Variants in HMGA2 observed in about 807,000 individuals in gnomAD.
HMGA2 encodes the protein high mobility group protein HMGI-C.
In HMGA2, 8 loss-of-function variants were observed where a neutral mutation model predicts 19.1. The observed-to-expected ratio is 0.42, with a 90% CI of 0.25 to 0.76. The LOEUF is 0.76. Ranked by LOEUF, HMGA2 falls within the 30% of genes least tolerant of loss-of-function variation. The probability of loss-of-function intolerance (pLI) is 0.28; values close to 1 mark genes in which losing one functional copy is unlikely to be tolerated. For synonymous variants in HMGA2, 60 were observed against 48.8 expected (o/e 1.23, Z -0.96); for missense variants, 109 against 136.3 (o/e 0.80, Z 1.00).
At chr12:65,918,024 A>G (rs755871620) in intron 3 of HMGA2, among the ~76,000 whole-genome samples, 1 of 152,184 alleles carries the variant, frequency 6.6e-6, no homozygotes, top group Non-Finnish European at 1.5e-5. Flanking sequence ...TCCATTCTTC[A>G]CTCAGAGTAG....
chr12:65,855,456 T>TGTCA (rs1871687038), intron 3 of HMGA2, among the ~76,000 whole-genome samples: 1 of 52,788 alleles, frequency 1.9e-5, no homozygotes, highest in Non-Finnish European at 4.8e-5. Context: ...TCTCTCTCTC[T>TGTCA]CTCACACACA....
chr12:65,882,112 C>CA, intron 3 of HMGA2: 1 of 487,308 alleles, frequency 2.1e-6, no homozygotes, highest in South Asian at 2.0e-5. Context: ...GCTGTACTGA[C>CA]AAAAGCAACC....
intron 3 of HMGA2, among the ~76,000 whole-genome samples, chr12:65,861,590 C>T (rs1291255891): frequency 2.8e-5 from 4 of 143,194 alleles, no homozygotes; most frequent in South Asian, 2.2e-4. Context: ...AGTTTCATCT[C>T]GTTTTAGGTA....
At chr12:65,840,372 A>G (rs890807570) in intron 3 of HMGA2, among the ~76,000 whole-genome samples, 1 of 152,196 alleles carries the variant, frequency 6.6e-6, no homozygotes, top group Non-Finnish European at 1.5e-5. Context: ...GATGACTTTA[A>G]TACTTGGGAT....
chr12:65,846,788 G>A (rs1273556868), intron 3 of HMGA2, among the ~76,000 whole-genome samples: 1 of 152,160 alleles, frequency 6.6e-6, no homozygotes, highest in Non-Finnish European at 1.5e-5. Flanking sequence ...TCAAGTCTGT[G>A]CTGGGTCCTA....
At chr12:65,898,677 G>A (rs1346688231) in intron 3 of HMGA2, among the ~76,000 whole-genome samples, 1 of 152,030 alleles carries the variant, frequency 6.6e-6, no homozygotes, top group Non-Finnish European at 1.5e-5. Flanking sequence ...CACCTACTAT[G>A]TCCAGCGCAT....
chr12:65,886,720 AAC>A (rs1451941755), intron 3 of HMGA2, among the ~76,000 whole-genome samples: 1 of 152,140 alleles, frequency 6.6e-6, no homozygotes, highest in East Asian at 1.9e-4. Flanking sequence ...GCTAAAAGAC[AAC>A]ACAGAGGTGT....
intron 3 of HMGA2, among the ~76,000 whole-genome samples, chr12:65,873,393 AAT>A (rs1017211790): frequency 2.0e-5 from 3 of 151,284 alleles, no homozygotes; most frequent in Non-Finnish European, 4.4e-5. Context: ...TCCTTTTCTC[AAT>A]ATTTTTTTCG....
chr12:65,899,369 C>T (rs1362060202), intron 3 of HMGA2, among the ~76,000 whole-genome samples: 1 of 152,172 alleles, frequency 6.6e-6, no homozygotes, highest in Non-Finnish European at 1.5e-5. Context: ...TAATGACTTC[C>T]GATCCTACTT....
At chr12:65,914,720 G>A (rs1246979852) in intron 3 of HMGA2, 1 of 322,380 alleles carries the variant, frequency 3.1e-6, no homozygotes, top group South Asian at 3.2e-5. Context: ...TGTTGCTCAG[G>A]CTGGAGTGCA....
intron 3 of HMGA2, among the ~76,000 whole-genome samples, chr12:65,844,339 T>G (rs1302076208): frequency 6.6e-6 from 1 of 152,198 alleles, no homozygotes; most frequent in African/African-American, 2.4e-5. Flanking sequence ...ATGCATATAA[T>G]GCATTCAAAG....
chr12:65,838,727 C>T (rs1225378939), intron 3 of HMGA2, among the ~76,000 whole-genome samples, 158 bp downstream of exon 3: 1 of 152,026 alleles, frequency 6.6e-6, no homozygotes, highest in Non-Finnish European at 1.5e-5. Flanking sequence ...TCATCACTTC[C>T]TACCACTAGG....
intron 3 of HMGA2, among the ~76,000 whole-genome samples, chr12:65,895,522 T>C (rs1041645542): frequency 2.0e-5 from 3 of 152,220 alleles, no homozygotes; most frequent in African/African-American, 7.2e-5. Context: ...CTAGGAAACA[T>C]ACTTAAAGAA....
intron 2 of HMGA2, among the ~76,000 whole-genome samples, chr12:65,830,114 C>T (rs1355701613): frequency 6.6e-6 from 1 of 151,890 alleles, no homozygotes; most frequent in Non-Finnish European, 1.5e-5. Context: ...TGAATAAATA[C>T]ATTTGCCCAT....
At chr12:65,843,731 A>G (rs1463862795) in intron 3 of HMGA2, among the ~76,000 whole-genome samples, 1 of 151,928 alleles carries the variant, frequency 6.6e-6, no homozygotes, top group East Asian at 1.9e-4. Context: ...AAAAACTTTT[A>G]GCTGTTTGTA....
chr12:65,869,109 C>G (rs529199237), intron 3 of HMGA2, among the ~76,000 whole-genome samples: 2 of 152,294 alleles, frequency 1.3e-5, no homozygotes, highest in Admixed American at 1.3e-4. Context: ...GCTAGAATGA[C>G]TCTAGGAACT....
At chr12:65,879,962 T>C (rs1274788203) in intron 3 of HMGA2, among the ~76,000 whole-genome samples, 5 of 152,236 alleles carry the variant, frequency 3.3e-5, no homozygotes, top group Non-Finnish European at 5.9e-5. Flanking sequence ...TAAAGTGCTA[T>C]TCTATTCTGC....
chr12:65,932,871 G>T (rs900976013), intron 3 of HMGA2, among the ~76,000 whole-genome samples: 4 of 152,168 alleles, frequency 2.6e-5, no homozygotes, highest in Admixed American at 2.6e-4. Flanking sequence ...CTTTCAAAAG[G>T]ATGTCCTCAC....
intron 3 of HMGA2, chr12:65,874,201 G>T (rs1872854941): frequency 6.6e-6 from 1 of 151,124 alleles, no homozygotes; most frequent in South Asian, 2.1e-4. Context: ...TACAAGAAAA[G>T]AAAACTTATT....
Sources: allele counts gnomAD v4.1 joint callset (sites outside exome capture counted in the v4.1 genomes callset), GRCh38; gene constraint gnomAD v4.1.1; transcripts MANE v1.5; gene names NCBI Gene and HGNC (gene_info 2026-07-23, HGNC 2026-07-21).